Variants in ZCWPW1 observed in about 807,000 individuals in gnomAD.
ZCWPW1 encodes the protein zinc finger CW-type PWWP domain protein 1.
A neutral mutation model predicts 81.3 loss-of-function variants in ZCWPW1; 56 were observed. The observed-to-expected ratio is 0.69, with a 90% CI of 0.56 to 0.86. ZCWPW1 has a LOEUF of 0.86. Ranked by LOEUF, ZCWPW1 falls within the 40% of genes least tolerant of loss-of-function variation. The pLI, the probability that ZCWPW1 is intolerant of heterozygous loss-of-function variation, is 0.00. For synonymous variants in ZCWPW1, 250 were observed against 273.7 expected, an observed-to-expected ratio of 0.91 and a Z score of 0.86; for missense variants, 650 against 769.8, an observed-to-expected ratio of 0.84 and a Z score of 1.84.
chr7:100,426,231 C>T (rs768066922), intron 1 of ZCWPW1, among the ~76,000 whole-genome samples: 3 of 152,160 alleles, frequency 2.0e-5, no homozygotes, highest in Non-Finnish European at 2.9e-5. Flanking sequence ...CAGTGGCTCA[C>T]GCCTGTAATT....
Position 100,401,025 on chromosome 7 carries a change from A to G in ZCWPW1, c.1939T>C (p.Phe647Leu), listed in dbSNP as rs1791758022. Residue 647 changes from phenylalanine (F) to leucine (L), a missense_variant, in exon 18 of 18, where the codon TTT becomes CTT. Coordinates refer to ENST00000684423, the MANE Select transcript of ZCWPW1 (RefSeq NM_001386010.1). ...CAGAGGAGCACCAGCTACTTCCCAAACAGCGCCACGGGGAAGTCCTCGCCA... is the reference window on the plus strand; with the variant it reads ...CAGAGGAGCACCAGCTACTTCCCAAGCAGCGCCACGGGGAAGTCCTCGCCA... ...SDGEDFPVAL[F>L]GK The G allele has an allele frequency of 1.2e-6, 2 of 1,606,934 alleles. No homozygotes were observed. The highest frequency in any genetic ancestry group is 1.7e-6 in the Non-Finnish European group (2 of 1,175,056).
At position 100,401,986 on chromosome 7, in the gene ZCWPW1, C is replaced by G. The variant is rs1471543507; in HGVS notation, c.1530G>C (p.Lys510Asn). ...ADGRGRTLQR[K>N]IMKRSLGRKS... ...TCCTGCCTAGAGATCTCTTCATTATCTTCCTCTGCAGTGTCCTGCCTCGGC... is the reference window on the plus strand; with the variant it reads ...TCCTGCCTAGAGATCTCTTCATTATGTTCCTCTGCAGTGTCCTGCCTCGGC... Residue 510 changes from lysine (K) to asparagine (N), a missense_variant, in exon 17 of 18, where the codon AAG becomes AAC. Lys to Asn is a moderately conservative substitution (Grantham distance 94). Coordinates refer to ENST00000684423, the MANE Select transcript of ZCWPW1 (RefSeq NM_001386010.1). 1.2e-6 allele frequency: 2 copies of G among 1,614,212 alleles called. No homozygotes were observed. The highest frequency in any genetic ancestry group is 2.2e-5 in the East Asian group (1 of 44,884).
intron 4 of ZCWPW1, 70 bp downstream of exon 4, chr7:100,419,560 T>G: frequency 6.6e-7 from 1 of 1,525,054 alleles, no homozygotes; most frequent in East Asian, 2.3e-5. Context: ...AAAGACTCTG[T>G]TTGTCTAGCC....
In ZCWPW1 at chr7:100,409,035, G is replaced by C. The variant is rs140826040; in HGVS notation, c.872-376C>G. 1.3e-3 allele frequency among the ~76,000 whole-genome samples: 195 copies of C among 152,226 alleles called. 3 individuals are homozygous for C. The East Asian group carries it at 0.025, about 19-fold the overall frequency. ...TCTGTAAAATAATTGGGCTGGACAA[G>C]ATCATCATCATCTCTTCCAACTAGT... On this transcript the variant is annotated intron_variant, in intron 9 of 17. Transcript: ENST00000684423.
chr7:100,428,161 G>A lies in ZCWPW1; in HGVS notation c.-137+407C>T, dbSNP rs1798083683. ...ACCAGAAACTAGCTGGCTACCTTCA[G>A]GAGCAAGGAGGACCTAAAGGCGATG... On this transcript the variant is annotated intron_variant, in intron 1 of 17. Coordinates refer to ENST00000684423, the MANE Select transcript of ZCWPW1 (RefSeq NM_001386010.1). 2.0e-5 allele frequency among the ~76,000 whole-genome samples: 3 copies of A among 152,184 alleles called. No individual in the cohort carries two copies. In the East Asian group the frequency reaches 5.8e-4, roughly 29 times the overall value.
rs1795427406 is a variant in ZCWPW1 at position 100,417,153 on chromosome 7, G to A, written c.392C>T (p.Thr131Ile). Reference protein sequence around the residue: ...GMGSGLDFAETSCAQPVVSTQ... With the variant: ...GMGSGLDFAEISCAQPVVSTQ... ...AGATACTACGGGCTGGGCACAAGAA[G>A]TCTCTGCAAAATCAAGGCCAGATCC... is the stretch of plus-strand genomic sequence containing the variant. The change falls in exon 6 of 18, where the codon ACT becomes ATT. Residue 131 changes from threonine to isoleucine, a missense_variant. Transcript: ENST00000684423. The A allele has an allele frequency of 6.2e-7, 1 of 1,613,558 alleles. No individual in the cohort carries two copies. The highest frequency in any genetic ancestry group is 8.5e-7 in the Non-Finnish European group (1 of 1,179,852).
Position 100,416,501 on chromosome 7 carries a change from T to C in ZCWPW1, c.480-45A>G, listed in dbSNP as rs374432313. ...TTAATGAAAGGTAAAAATAGAGCAA[T>C]TGCAGAACTCTTCTTCTGAAAAAAC... is the stretch of plus-strand genomic sequence containing the variant. On this transcript the variant is annotated intron_variant, in intron 6 of 17. Transcript: ENST00000684423. 76 of 1,598,128 alleles carry C rather than the reference T, an allele frequency of 4.8e-5. No homozygotes were observed. In the Middle Eastern group the frequency reaches 1.1e-3, roughly 22 times the overall value.
intron 8 of ZCWPW1, among the ~76,000 whole-genome samples, chr7:100,414,972 T>C (rs1209768750): frequency 6.9e-6 from 1 of 145,406 alleles, no homozygotes; most frequent in Non-Finnish European, 1.5e-5. Flanking sequence ...TTGCAGTGAG[T>C]GGAGATCGCG....
intron 3 of ZCWPW1, 95 bp from the exon 4 acceptor site, chr7:100,419,978 GGA>G (rs1387374720): frequency 1.9e-6 from 2 of 1,039,858 alleles, no homozygotes; most frequent in Non-Finnish European, 2.8e-6. Flanking sequence ...AGAATGATAT[GGA>G]GAGAGCTTTT....
rs561204703 is a variant in ZCWPW1, at chr7:100,414,981, C to T, written c.754+994G>A. On this transcript the variant is annotated intron_variant, in intron 8 of 17. Coordinates refer to ENST00000684423, the MANE Select transcript of ZCWPW1 (RefSeq NM_001386010.1). The stretch of plus-strand genomic sequence containing the variant: ...AGAAGGTTGCAGTGAGTGGAGATCG[C>T]GCCACCGCACTCCAGCCTGGCGACA... 1.7e-3 allele frequency among the ~76,000 whole-genome samples: 261 copies of T among 150,160 alleles called. 2 individuals carry two copies. The highest frequency in any genetic ancestry group is 6.1e-3 in the African/African-American group (249 of 40,918).
rs913951536 is a variant in ZCWPW1, at chr7:100,401,753, G to A, written c.1627+136C>T. On this transcript the variant is annotated intron_variant, in intron 17 of 17. Transcript: ENST00000684423. ...ATAGTGTGTGCTGGGTGCAGTCCGAGACGCTCTTTCATTCTAATTTTCATT... is the reference window on the plus strand; with the variant it reads ...ATAGTGTGTGCTGGGTGCAGTCCGAAACGCTCTTTCATTCTAATTTTCATT... 8 of 1,203,198 alleles carry A rather than the reference G, an allele frequency of 6.6e-6. No homozygotes were observed. The Admixed American group carries it at 2.2e-4, about 34-fold the overall frequency. 74.5% of individuals were successfully genotyped at this position (1,203,198 alleles called of 1,614,324 possible). A position where few individuals can be genotyped will look rare whatever the true frequency, so the allele number is the denominator to read the frequency against.
intron 8 of ZCWPW1, among the ~76,000 whole-genome samples, chr7:100,413,114 C>G (rs1241080750): frequency 1.3e-5 from 2 of 152,196 alleles, no homozygotes; most frequent in Non-Finnish European, 2.9e-5. Context: ...GTCTATTCTT[C>G]TTTTCTCCCC....
intron 8 of ZCWPW1, among the ~76,000 whole-genome samples, chr7:100,413,077 C>T (rs1794541861): frequency 6.6e-6 from 1 of 152,112 alleles, no homozygotes; most frequent in Admixed American, 6.6e-5. Context: ...AGCCTAATAC[C>T]TAATCCTAAT....
At chr7:100,402,410 C>T (rs748341137) in intron 16 of ZCWPW1, 106 bp downstream of exon 16, 5 of 1,254,464 alleles carry the variant, frequency 4.0e-6, no homozygotes, top group South Asian at 2.4e-5. Context: ...TTTCTCAGGT[C>T]CTGGCACTGA....
rs573807866 is a variant in ZCWPW1, at chr7:100,412,286, C to T, written c.755-2742G>A. Among the ~76,000 whole-genome samples the T allele has an allele frequency of 1.3e-4, 20 of 152,332 alleles. No individual in the cohort carries two copies. The South Asian group carries it at 3.1e-3, about 24-fold the overall frequency. On this transcript the variant is annotated intron_variant, in intron 8 of 17. Coordinates refer to ENST00000684423, the MANE Select transcript of ZCWPW1 (RefSeq NM_001386010.1). ...TGTTCTGAGCTCGAGATTCCTAAGC[C>T]GCCTTGCTCTTTGACATCTCTATTT...
intron 8 of ZCWPW1, among the ~76,000 whole-genome samples, chr7:100,414,502 A>C (rs952792799): frequency 1.3e-5 from 2 of 152,020 alleles, no homozygotes; most frequent in Non-Finnish European, 2.9e-5. Context: ...TGCAGCCTCC[A>C]ATTCCTGGGA....
chr7:100,415,543 G>C (rs1327726070), intron 8 of ZCWPW1, among the ~76,000 whole-genome samples: 8 of 152,086 alleles, frequency 5.3e-5, no homozygotes, highest in Admixed American at 5.2e-4. Flanking sequence ...TGATGTCCTT[G>C]AGCTTATGTT....
At chr7:100,405,854 A>C (rs1164526767) in intron 12 of ZCWPW1, among the ~76,000 whole-genome samples, 3 of 152,106 alleles carry the variant, frequency 2.0e-5, no homozygotes, top group Non-Finnish European at 4.4e-5. Flanking sequence ...CAAACTCCTG[A>C]GCTCAGGCGA....
chr7:100,420,227 T>C (rs891516239), intron 3 of ZCWPW1, among the ~76,000 whole-genome samples: 2 of 152,218 alleles, frequency 1.3e-5, no homozygotes, highest in Non-Finnish European at 2.9e-5. Flanking sequence ...TTAGATAAAA[T>C]GTTATGGAAA....
Sources: gnomAD v4.1 joint callset for allele counts (sites outside exome capture counted in the v4.1 genomes callset) on GRCh38, gnomAD v4.1.1 for gene constraint, MANE v1.5 for transcripts, NCBI Gene and HGNC (gene_info 2026-07-23, HGNC 2026-07-21) for gene names.